The following USP25 variants were observed in gnomAD, a reference collection of about 807,000 sequenced individuals.
The protein encoded by USP25 is ubiquitin carboxyl-terminal hydrolase 25.
Under a neutral mutation model 158.5 loss-of-function variants are expected in USP25, and 85 were observed. The observed-to-expected ratio is 0.54, with a 90% CI of 0.45 to 0.64. USP25 has a LOEUF of 0.64. Ranked by LOEUF, USP25 falls within the 30% of genes least tolerant of loss-of-function variation. USP25 has a pLI of 0.00. For synonymous variants in USP25, 464 were observed against 460.4 expected, an observed-to-expected ratio of 1.01 and a Z score of -0.10; for missense variants, 1,242 against 1,327.3, an observed-to-expected ratio of 0.94 and a Z score of 1.00.
intron 1 of USP25, among the ~76,000 whole-genome samples, chr21:15,731,239 A>G (rs1034013946): frequency 3.3e-5 from 5 of 152,172 alleles, no homozygotes; most frequent in African/African-American, 1.2e-4. Context: ...TCTTAAGTGC[A>G]CTATCATGGC....
rs2032153102 is a variant in USP25 at position 15,742,466 on chromosome 21, A to G, written c.45+12028A>G. ...CATGCCAGAATACATGCATAATCAA[A>G]TGTCTCAGTTAAGGTGGAGCTACAG... On this transcript the variant is annotated intron_variant, in intron 1 of 25. Coordinates refer to ENST00000400183, the MANE Select transcript of USP25 (RefSeq NM_001283041.3). Among the ~76,000 whole-genome samples, 3 of 151,728 alleles carry G rather than the reference A, an allele frequency of 2.0e-5. No homozygotes were observed. The South Asian group carries it at 6.2e-4, about 31-fold the overall frequency.
At chr21:15,788,901 C>G (rs1293532944) in intron 4 of USP25, among the ~76,000 whole-genome samples, 1 of 152,062 alleles carries the variant, frequency 6.6e-6, no homozygotes, top group African/African-American at 2.4e-5. Context: ...TTACATGTAT[C>G]TCTTGAACTT....
intron 3 of USP25, among the ~76,000 whole-genome samples, chr21:15,774,485 C>T (rs1264885552): frequency 6.6e-6 from 1 of 152,072 alleles, no homozygotes; most frequent in Non-Finnish European, 1.5e-5. Flanking sequence ...AAGCAACAGG[C>T]TCACTTTTTT....
At position 15,766,292 on chromosome 21, in the gene USP25, A is replaced by C; in HGVS notation, c.268+151A>C. 1.7e-6 allele frequency: 1 copy of C among 576,528 alleles called. No homozygotes were observed. Among genetic ancestry groups the C allele is most frequent in the Non-Finnish European group, 2.7e-6 (1 of 374,558 alleles). The allele number at this position is 576,528 out of a possible 1,614,324, so 35.7% of individuals were successfully genotyped here. Reference sequence around the variant, plus strand: ...TTTTTAATGTAGTTGAAAGGAACATACATTATCTTTTTCAGATTATAAGGA... The same window carrying C: ...TTTTTAATGTAGTTGAAAGGAACATCCATTATCTTTTTCAGATTATAAGGA... On this transcript the variant is annotated intron_variant, in intron 3 of 25. Coordinates refer to ENST00000400183, the MANE Select transcript of USP25 (RefSeq NM_001283041.3). This position sits in a 1 kb window ranked among gnomAD's most constrained non-coding sequence, Gnocchi z 4.0.
intron 17 of USP25, among the ~76,000 whole-genome samples, chr21:15,839,979 A>G (rs557765960): frequency 2.0e-5 from 3 of 152,158 alleles, no homozygotes; most frequent in African/African-American, 4.8e-5. Context: ...TCTAGTAGCT[A>G]TTGTCTTTTC....
chr21:15,766,181 T>G lies in USP25; in HGVS notation c.268+40T>G. 6.5e-7 allele frequency: 1 copy of G among 1,549,932 alleles called. No homozygotes were observed. Among genetic ancestry groups the G allele is most frequent in the Non-Finnish European group, 8.6e-7 (1 of 1,157,740 alleles). ...TTTTCTTATTATTTTAATAGAAACA[T>G]ACTGAAAAACTTTTCTTGGTGTAAT... On this transcript the variant is annotated intron_variant, in intron 3 of 25. Transcript: ENST00000400183. This position sits in a 1 kb window ranked among gnomAD's most constrained non-coding sequence, Gnocchi z 4.0.
intron 3 of USP25, among the ~76,000 whole-genome samples, chr21:15,776,555 C>T (rs1236244846): frequency 2.0e-5 from 3 of 151,472 alleles, no homozygotes; most frequent in Admixed American, 6.6e-5. Flanking sequence ...CCACCTTATC[C>T]TCCCCATCCT....
intron 23 of USP25, among the ~76,000 whole-genome samples, chr21:15,871,552 T>A (rs2039885236): frequency 6.6e-6 from 1 of 152,104 alleles, no homozygotes; most frequent in African/African-American, 2.4e-5. Context: ...TTTAATGAAA[T>A]CATGTAAGTA....
intron 9 of USP25, among the ~76,000 whole-genome samples, chr21:15,817,173 C>CAA (rs11334812): frequency 1.1e-4 from 15 of 136,098 alleles, no homozygotes; most frequent in East Asian, 2.1e-4. Context: ...TCTAGTTGTT[C>CAA]AAAAAAAAAA....
chr21:15,860,798 G>A (rs992650063), intron 20 of USP25, among the ~76,000 whole-genome samples: 1 of 151,924 alleles, frequency 6.6e-6, no homozygotes, highest in Non-Finnish European at 1.5e-5. Context: ...AGAAGATTAT[G>A]TGCCTTATTC....
At position 15,730,098 on chromosome 21, in the gene USP25, G is replaced by T. The variant is rs2030628997; in HGVS notation, c.-296G>T. ...GCCCGACTGGCTCGCGCTCTCCCGT[G>T]CCCCGGCGTCCTCCGCCCGCTCATG... On this transcript the variant is annotated 5_prime_UTR_variant, in exon 1 of 26. Transcript: ENST00000400183. 1 of 152,760 alleles carries T rather than the reference G, an allele frequency of 6.5e-6. No individual in the cohort carries two copies. Among genetic ancestry groups the T allele is most frequent in the South Asian group, 2.1e-4 (1 of 4,864 alleles). 9.5% of individuals were successfully genotyped at this position (152,760 alleles called of 1,614,324 possible). A position where few individuals can be genotyped will look rare whatever the true frequency, so the allele number is the denominator to read the frequency against.
chr21:15,870,810 T>C (rs1380154910), intron 23 of USP25, among the ~76,000 whole-genome samples: 1 of 152,222 alleles, frequency 6.6e-6, no homozygotes, highest in Non-Finnish European at 1.5e-5. Context: ...TTCCTTTCTT[T>C]TTTGTTTTAT....
chr21:15,838,810 A>G (rs2038186971), intron 17 of USP25, among the ~76,000 whole-genome samples: 1 of 152,200 alleles, frequency 6.6e-6, no homozygotes, highest in Non-Finnish European at 1.5e-5. Context: ...ACTCTTTAAT[A>G]GAAAGCCAAT....
chr21:15,760,839 A>G (rs183365652), intron 1 of USP25, among the ~76,000 whole-genome samples: 119 of 152,304 alleles, frequency 7.8e-4, no homozygotes, highest in African/African-American at 2.7e-3. Context: ...TATATTTCCT[A>G]ATAAAAAAGA....
At chr21:15,748,460 T>G (rs2032740761) in intron 1 of USP25, among the ~76,000 whole-genome samples, 11 of 141,346 alleles carry the variant, frequency 7.8e-5, no homozygotes, top group Admixed American at 7.1e-4. Context: ...TTTAGTTTTT[T>G]TTTTTTTTTT....
At chr21:15,730,501 T>C (rs75470382) in intron 1 of USP25, 63 bp downstream of exon 1, 135,444 of 1,289,920 alleles carry the variant, frequency 0.11, 9,523 homozygotes, top group African/African-American at 0.35. Flanking sequence ...CCTCTCCCGC[T>C]GCGGCCGGGC....
intron 1 of USP25, among the ~76,000 whole-genome samples, chr21:15,736,481 C>G (rs2031530345): frequency 6.6e-6 from 1 of 152,082 alleles, no homozygotes; most frequent in Non-Finnish European, 1.5e-5. Flanking sequence ...TTATTGTCAT[C>G]TGATTATCCA....
At chr21:15,825,353 A>T (rs2037450620) in intron 12 of USP25, among the ~76,000 whole-genome samples, 2 of 152,216 alleles carry the variant, frequency 1.3e-5, no homozygotes, top group Middle Eastern at 3.2e-3. Flanking sequence ...GAAACTAAAG[A>T]TTACTCTTGA....
intron 1 of USP25, among the ~76,000 whole-genome samples, chr21:15,735,115 T>G (rs1352320596): frequency 6.6e-6 from 1 of 152,226 alleles, no homozygotes; most frequent in Non-Finnish European, 1.5e-5. Context: ...TGTTGTATCG[T>G]TTTGGCTGTC....
Sources: allele counts gnomAD v4.1 joint callset (sites outside exome capture counted in the v4.1 genomes callset), GRCh38; gene constraint gnomAD v4.1.1; non-coding constraint Gnocchi (gnomAD v3.1); transcripts MANE v1.5; gene names NCBI Gene and HGNC (gene_info 2026-07-23, HGNC 2026-07-21).